ATG16L1: variants seen among roughly 807,000 people sequenced by gnomAD.
ATG16L1 encodes autophagy related 16 like 1.
Under a neutral mutation model 88.5 loss-of-function variants are expected in ATG16L1, and 37 were observed. The ratio of observed to expected loss-of-function variants is 0.42; its 90% CI spans 0.32 to 0.55. The LOEUF is 0.55. Among genes scored for constraint, ATG16L1 ranks in the 20% least tolerant of loss-of-function variants. The probability of loss-of-function intolerance (pLI) is 0.13; values close to 1 mark genes in which losing one functional copy is unlikely to be tolerated. For missense variants in ATG16L1, 554 were observed against 752.8 expected, an observed-to-expected ratio of 0.74 and a Z score of 3.09; for synonymous variants, 301 against 281.0, an observed-to-expected ratio of 1.07 and a Z score of -0.71.
chr2:233,252,373 G>T (rs1383039393), intron 1 of ATG16L1, among the ~76,000 whole-genome samples: 1 of 151,144 alleles, frequency 6.6e-6, no homozygotes, highest in African/African-American at 2.4e-5. Flanking sequence ...CACCTTGGTG[G>T]TTTTTTTTGC....
At position 233,281,180 on chromosome 2, in the gene ATG16L1, G is replaced by C; in HGVS notation, c.1131+5G>C. On this transcript the variant is annotated splice_donor_5th_base_variant and intron_variant, in intron 11 of 17. Coordinates refer to ENST00000392017, the MANE Select transcript of ATG16L1 (RefSeq NM_030803.7). ...AGCATTGAATTTGATAGTGCTGTAA[G>C]TATTGAATAGCTATGATTTTAAAGG... 1 of 1,571,080 alleles carries C rather than the reference G, an allele frequency of 6.4e-7. No homozygotes were observed. The highest frequency in any genetic ancestry group is 8.6e-7 in the Non-Finnish European group (1 of 1,159,410).
chr2:233,261,527 G>A (rs949866699), intron 2 of ATG16L1, among the ~76,000 whole-genome samples: 3 of 152,174 alleles, frequency 2.0e-5, no homozygotes, highest in African/African-American at 7.2e-5. Flanking sequence ...CTCAAGATAA[G>A]GTATTAGTTT....
intron 1 of ATG16L1, among the ~76,000 whole-genome samples, chr2:233,255,014 C>T (rs1344418121): frequency 3.3e-5 from 5 of 152,078 alleles, no homozygotes. Context: ...CACTCTGTCG[C>T]CCAGGCTGGA....
chr2:233,275,615 C>G, intron 9 of ATG16L1: 1 of 449,948 alleles, frequency 2.2e-6, no homozygotes, highest in South Asian at 1.7e-5. Context: ...ACTGCCTTGA[C>G]TGTTGTAAAG....
In ATG16L1 at chr2:233,282,666, T is replaced by A; in HGVS notation, c.1132-16T>A. On this transcript the variant is annotated splice_polypyrimidine_tract_variant and intron_variant, in intron 11 of 17. Coordinates refer to ENST00000392017, the MANE Select transcript of ATG16L1 (RefSeq NM_030803.7). ...ATTTGGCTAAAAATTGGTTTTCCTC[T>A]TCTTTATTCCCACAGGGATCTTACC... 6.2e-7 allele frequency: 1 copy of A among 1,613,428 alleles called. No homozygotes were observed. The highest frequency in any genetic ancestry group is 1.1e-5 in the South Asian group (1 of 91,058).
In ATG16L1 at chr2:233,263,979, C is replaced by T. The variant is rs1697392053; in HGVS notation, c.316-13C>T. 6.2e-7 allele frequency: 1 copy of T among 1,613,160 alleles called. No individual in the cohort carries two copies. Among genetic ancestry groups the T allele is most frequent in the Admixed American group, 1.7e-5 (1 of 59,924 alleles). On this transcript the variant is annotated splice_polypyrimidine_tract_variant and intron_variant, in intron 3 of 17. Coordinates refer to ENST00000392017, the MANE Select transcript of ATG16L1 (RefSeq NM_030803.7). Reference sequence around the variant, plus strand: ...AATTTTTATTTATGAAAGTATTCTTCTTTATCTCCCAGTTAGCTCAACTGG... The same window carrying T: ...AATTTTTATTTATGAAAGTATTCTTTTTTATCTCCCAGTTAGCTCAACTGG...
chr2:233,253,340 G>GTTTTTTTTTTTTTT (rs56151049), intron 1 of ATG16L1, among the ~76,000 whole-genome samples: 6 of 108,652 alleles, frequency 5.5e-5, no homozygotes, highest in Admixed American at 2.3e-4. Flanking sequence ...GGGTTTTTTT[G>GTTTTTTTTTTTTTT]TTTTTTTTTT....
intron 12 of ATG16L1, among the ~76,000 whole-genome samples, chr2:233,287,688 G>A (rs1699176646): frequency 6.6e-6 from 1 of 152,182 alleles, no homozygotes; most frequent in Admixed American, 6.5e-5. Context: ...GACTAGCCTG[G>A]CCAACATGGT....
Position 233,256,175 on chromosome 2 carries a change from A to G in ATG16L1, c.189A>G (p.Val63=), listed in dbSNP as rs1696764417. The G allele has an allele frequency of 1.9e-6, 3 of 1,614,026 alleles. No individual in the cohort carries two copies. Among genetic ancestry groups the G allele is most frequent in the Non-Finnish European group, 2.5e-6 (3 of 1,179,890 alleles). The change falls in exon 2 of 18, where the codon GTA becomes GTG. Residue 63 remains valine, a synonymous_variant. Transcript: ENST00000392017. ...AQKLQAEKHD[V]PNRHEISPGH... ...AACTACAGGCTGAAAAGCATGACGTACCAAACAGGCACGAGATAAGGTATT... is the reference window on the plus strand; with the variant it reads ...AACTACAGGCTGAAAAGCATGACGTGCCAAACAGGCACGAGATAAGGTATT...
Position 233,294,451 on chromosome 2 carries a change from G to C in ATG16L1, c.*101G>C, listed in dbSNP as rs774801396. ...CAGGTGATGTGCTGGGTATAGCATG[G>C]ACCTCCCAGAGAAGCTCAAGCTATG... On this transcript the variant is annotated 3_prime_UTR_variant, in exon 18 of 18. Coordinates refer to ENST00000392017, the MANE Select transcript of ATG16L1 (RefSeq NM_030803.7). The C allele has an allele frequency of 4.7e-6, 4 of 851,838 alleles. No homozygotes were observed. Among genetic ancestry groups the C allele is most frequent in the Non-Finnish European group, 7.3e-6 (4 of 550,448 alleles). 52.8% of individuals were successfully genotyped at this position (851,838 alleles called of 1,614,324 possible).
In ATG16L1 at chr2:233,281,487, C is replaced by T. The variant is rs185733933; in HGVS notation, c.1131+312C>T. On this transcript the variant is annotated intron_variant, in intron 11 of 17. Transcript: ENST00000392017. ...AGCGTGGTCTCTACCCTCCGAGATT[C>T]GCCATCTAAATGAGAGTGATGGGAA... 1.1e-4 allele frequency among the ~76,000 whole-genome samples: 17 copies of T among 152,196 alleles called. No individual in the cohort carries two copies. The East Asian group carries it at 2.9e-3, about 26-fold the overall frequency.
intron 8 of ATG16L1, chr2:233,274,007 C>A: frequency 6.4e-7 from 1 of 1,551,056 alleles, no homozygotes; most frequent in Non-Finnish European, 8.7e-7. Context: ...CGAGTCTCCC[C>A]TTTTGGGACA....
At chr2:233,252,751 C>T (rs1696468793) in intron 1 of ATG16L1, among the ~76,000 whole-genome samples, 1 of 151,974 alleles carries the variant, frequency 6.6e-6, no homozygotes. Context: ...TTACTGAAAT[C>T]TTCAGTATGA....
chr2:233,257,777 C>T (rs995033398), intron 2 of ATG16L1, among the ~76,000 whole-genome samples: 14 of 152,132 alleles, frequency 9.2e-5, no homozygotes, highest in African/African-American at 2.2e-4. Context: ...GAGGCCAAGG[C>T]GGGTGGATCA....
At chr2:233,253,240 G>C (rs940374462) in intron 1 of ATG16L1, among the ~76,000 whole-genome samples, 2 of 151,624 alleles carry the variant, frequency 1.3e-5, no homozygotes, top group African/African-American at 4.8e-5. Flanking sequence ...GTATGAAGCA[G>C]GAACTGTTAT....
chr2:233,294,673 C>T lies in ATG16L1; in HGVS notation c.*323C>T. 1 of 203,088 alleles carries T rather than the reference C, an allele frequency of 4.9e-6. No homozygotes were observed. Among genetic ancestry groups the T allele is most frequent in the Non-Finnish European group, 9.9e-6 (1 of 100,602 alleles). The allele number at this position is 203,088 out of a possible 1,614,324, so 12.6% of individuals were successfully genotyped here. On this transcript the variant is annotated 3_prime_UTR_variant, in exon 18 of 18. Coordinates refer to ENST00000392017, the MANE Select transcript of ATG16L1 (RefSeq NM_030803.7). ...CACAGGGCCCCGCTGGGCCTCCTCACCAACGGCAGTGCCAAAATCAGCCCC... is the reference window on the plus strand; with the variant it reads ...CACAGGGCCCCGCTGGGCCTCCTCATCAACGGCAGTGCCAAAATCAGCCCC...
In ATG16L1 at chr2:233,273,070, G is replaced by A; in HGVS notation, c.794+18G>A. The stretch of plus-strand genomic sequence containing the variant: ...GCAGCCACGTAAGTAGGCAGGTTTG[G>A]GCCAGGGAAAAGACAGCTTGAGGAG... On this transcript the variant is annotated intron_variant, in intron 7 of 17. Coordinates refer to ENST00000392017, the MANE Select transcript of ATG16L1 (RefSeq NM_030803.7). The A allele has an allele frequency of 6.2e-7, 1 of 1,609,864 alleles. No homozygotes were observed. Among genetic ancestry groups the A allele is most frequent in the South Asian group, 1.1e-5 (1 of 90,972 alleles).
chr2:233,266,323 G>A (rs1278088160), intron 5 of ATG16L1, among the ~76,000 whole-genome samples: 1 of 152,178 alleles, frequency 6.6e-6, no homozygotes, highest in African/African-American at 2.4e-5. Flanking sequence ...GCTGAGCATG[G>A]TGGTATGTGC....
At chr2:233,293,476 C>G in intron 17 of ATG16L1, 119 bp downstream of exon 17, 2 of 897,278 alleles carry the variant, frequency 2.2e-6, no homozygotes, top group Non-Finnish European at 3.6e-6. Context: ...CGCCCACCTG[C>G]TCGGCTGGCT....
Sources: allele counts gnomAD v4.1 joint callset (sites outside exome capture counted in the v4.1 genomes callset), GRCh38; gene constraint gnomAD v4.1.1; transcripts MANE v1.5; gene names NCBI Gene and HGNC (gene_info 2026-07-23, HGNC 2026-07-21).